MACROD2: variants seen among roughly 807,000 people sequenced by gnomAD.
MACROD2 encodes ADP-ribose glycohydrolase MACROD2.
Under a neutral mutation model 70.4 loss-of-function variants are expected in MACROD2, and 36 were observed. The observed-to-expected ratio is 0.51, with a 90% CI of 0.39 to 0.68. The LOEUF (loss-of-function observed/expected upper bound fraction) is 0.68. Ranked by LOEUF, MACROD2 falls within the 30% of genes least tolerant of loss-of-function variation. The pLI is 0.00. For missense variants in MACROD2, 496 were observed against 538.4 expected, an observed-to-expected ratio of 0.92 and a Z score of 0.78; for synonymous variants, 172 against 178.8, an observed-to-expected ratio of 0.96 and a Z score of 0.30.
chr20:14,952,896 A>G (rs2074487163), intron 5 of MACROD2, among the ~76,000 whole-genome samples: 1 of 152,148 alleles, frequency 6.6e-6, no homozygotes, highest in African/African-American at 2.4e-5. Flanking sequence ...TTTCTTTAAG[A>G]CAGGGAAAAG....
rs1249860998 is a variant in MACROD2 at position 16,050,323 on chromosome 20, A to C, written c.*447A>C. 6.4e-6 allele frequency: 1 copy of C among 156,596 alleles called. No individual in the cohort carries two copies. Among genetic ancestry groups the C allele is most frequent in the Non-Finnish European group, 1.4e-5 (1 of 71,036 alleles). The allele number at this position is 156,596 out of a possible 1,614,324, so 9.7% of individuals were successfully genotyped here. A position where few individuals can be genotyped will look rare whatever the true frequency, so the allele number is the denominator to read the frequency against. ...ATAAATTTTAGGAATCAATGAGCCCAGCAGCAGTATAATCCCCAGACAGAG... is the reference window on the plus strand; with the variant it reads ...ATAAATTTTAGGAATCAATGAGCCCCGCAGCAGTATAATCCCCAGACAGAG... On this transcript the variant is annotated 3_prime_UTR_variant, in exon 18 of 18. Coordinates refer to ENST00000684519, the MANE Select transcript of MACROD2 (RefSeq NM_001351661.2).
intron 8 of MACROD2, among the ~76,000 whole-genome samples, chr20:15,828,057 T>C (rs1168152471): frequency 6.6e-6 from 1 of 152,224 alleles, no homozygotes; most frequent in Non-Finnish European, 1.5e-5. Flanking sequence ...TCTGGAGGTC[T>C]ATTGTACAGA....
At chr20:14,120,440 C>T (rs2054572647) in intron 3 of MACROD2, among the ~76,000 whole-genome samples, 1 of 151,794 alleles carries the variant, frequency 6.6e-6, no homozygotes, top group African/African-American at 2.4e-5. Context: ...TAAATTAGTT[C>T]AACCATTGTG....
intron 8 of MACROD2, among the ~76,000 whole-genome samples, chr20:15,840,370 GACA>G (rs1004532026): frequency 5.9e-5 from 9 of 152,156 alleles, no homozygotes; most frequent in Non-Finnish European, 8.8e-5. Context: ...ACTTGCCGGG[GACA>G]ACATGTGTGG....
chr20:15,276,012 A>G (rs973172002), intron 6 of MACROD2, among the ~76,000 whole-genome samples: 3 of 152,246 alleles, frequency 2.0e-5, no homozygotes, highest in African/African-American at 7.2e-5. Flanking sequence ...CATTTAGGTC[A>G]TTAATCAATA....
intron 3 of MACROD2, among the ~76,000 whole-genome samples, chr20:14,225,687 A>C (rs1324929295): frequency 6.6e-6 from 1 of 152,262 alleles, no homozygotes; most frequent in East Asian, 1.9e-4. Context: ...TGACCAATCT[A>C]TATTTCAAAA....
At chr20:15,274,539 G>A (rs192261266) in intron 6 of MACROD2, among the ~76,000 whole-genome samples, 15 of 152,288 alleles carry the variant, frequency 9.8e-5, no homozygotes, top group East Asian at 5.8e-4. Context: ...CTACCAGTGC[G>A]ACAGTAGACT....
chr20:15,727,418 G>T (rs960606005), intron 8 of MACROD2, among the ~76,000 whole-genome samples: 1 of 151,016 alleles, frequency 6.6e-6, no homozygotes, highest in Non-Finnish European at 1.5e-5. Flanking sequence ...CCTCTATTTG[G>T]GCCCCTTTTT....
chr20:15,055,980 T>C (rs1019342399), intron 5 of MACROD2, among the ~76,000 whole-genome samples: 2 of 151,884 alleles, frequency 1.3e-5, no homozygotes, highest in African/African-American at 4.8e-5. Context: ...AGAGACAAGG[T>C]TTCACCATGT....
At chr20:14,779,882 G>T (rs1336526872) in intron 5 of MACROD2, among the ~76,000 whole-genome samples, 1 of 152,042 alleles carries the variant, frequency 6.6e-6, no homozygotes, top group Non-Finnish European at 1.5e-5. Flanking sequence ...TTTAACAAAT[G>T]TAATAAAGAC....
intron 4 of MACROD2, among the ~76,000 whole-genome samples, chr20:14,657,333 G>T (rs1200049596): frequency 2.0e-5 from 3 of 152,124 alleles, no homozygotes; most frequent in Non-Finnish European, 4.4e-5. Context: ...GGCTTATTTG[G>T]TACTTGTTAC....
intron 3 of MACROD2, among the ~76,000 whole-genome samples, chr20:14,273,334 A>C (rs1393630852): frequency 6.6e-6 from 1 of 151,876 alleles, no homozygotes; most frequent in East Asian, 1.9e-4. Flanking sequence ...CTCAGGATTA[A>C]GAAACTCACT....
chr20:14,847,034 A>G lies in MACROD2; in HGVS notation c.418+162075A>G, dbSNP rs117842699. Among the ~76,000 whole-genome samples, 42 of 152,166 alleles carry G rather than the reference A, an allele frequency of 2.8e-4. No homozygotes were observed. In the East Asian group the frequency reaches 7.2e-3, roughly 26 times the overall value. On this transcript the variant is annotated intron_variant, in intron 5 of 17. Coordinates refer to ENST00000684519, the MANE Select transcript of MACROD2 (RefSeq NM_001351661.2). ...CACATCGATGCTTTAGACAATATCT[A>G]TTTTTCACCATGAATATCACTGAAA...
chr20:14,550,216 C>G (rs1016061130), intron 4 of MACROD2, among the ~76,000 whole-genome samples: 1 of 152,146 alleles, frequency 6.6e-6, no homozygotes, highest in Non-Finnish European at 1.5e-5. Flanking sequence ...AGCCACTGCA[C>G]CCAGCCCAAT....
chr20:14,493,427 T>C, intron 3 of MACROD2, 52 bp from the exon 4 acceptor site: 1 of 1,466,224 alleles, frequency 6.8e-7, no homozygotes, highest in African/African-American at 1.4e-5. Flanking sequence ...TGATATACTA[T>C]ATTTCTTATA....
chr20:15,464,130 C>A (rs1232251049), intron 7 of MACROD2, among the ~76,000 whole-genome samples: 3 of 152,178 alleles, frequency 2.0e-5, no homozygotes, highest in Non-Finnish European at 4.4e-5. Flanking sequence ...CTCACTGCAA[C>A]CTTGAGCTCC....
At chr20:15,057,805 G>A (rs1192370352) in intron 5 of MACROD2, among the ~76,000 whole-genome samples, 2 of 152,056 alleles carry the variant, frequency 1.3e-5, no homozygotes, top group South Asian at 2.1e-4. Flanking sequence ...CCTGGCTCAG[G>A]GGATTCATGG....
chr20:14,725,253 C>T (rs1388325287), intron 5 of MACROD2, among the ~76,000 whole-genome samples: 1 of 152,074 alleles, frequency 6.6e-6, no homozygotes, highest in Non-Finnish European at 1.5e-5. Flanking sequence ...TTAAGTAGCA[C>T]TTGAAAATGT....
chr20:15,196,927 A>C (rs1396075931), intron 5 of MACROD2: 8 of 985,438 alleles, frequency 8.1e-6, no homozygotes, highest in East Asian at 1.1e-4. Context: ...GAAAGACTAC[A>C]TAAAAAACCT....
Sources: gnomAD v4.1 joint callset for allele counts (sites outside exome capture counted in the v4.1 genomes callset) on GRCh38, gnomAD v4.1.1 for gene constraint, MANE v1.5 for transcripts, NCBI Gene and HGNC (gene_info 2026-07-23, HGNC 2026-07-21) for gene names.